Variants in FIG4 observed in about 807,000 individuals in gnomAD.
The protein encoded by FIG4 is polyphosphoinositide phosphatase.
Under a neutral mutation model 118.6 loss-of-function variants are expected in FIG4, and 112 were observed. The observed-to-expected ratio is 0.94, with a 90% CI of 0.81 to 1.11. FIG4 has a LOEUF of 1.11. Ranked by LOEUF, FIG4 falls within the 50% of genes least tolerant of loss-of-function variation. The pLI is 0.00. For missense variants in FIG4, 969 were observed against 1,111.7 expected (o/e 0.87, Z 1.83); for synonymous variants, 369 against 381.2 (o/e 0.97, Z 0.37).
At position 109,825,138 on chromosome 6, in the gene FIG4, C is replaced by A. The variant is rs1422871028; in HGVS notation, c.2597C>A (p.Pro866Gln). The A allele has an allele frequency of 2.5e-6, 4 of 1,613,916 alleles. No homozygotes were observed. The Admixed American group carries it at 6.7e-5, about 27-fold the overall frequency. The change falls in exon 23 of 23, where the codon CCA becomes CAA. Residue 866 changes from proline (P) to glutamine (Q), a missense_variant. By Grantham distance (76) the Pro-to-Gln change is moderately conservative. Coordinates refer to ENST00000230124, the MANE Select transcript of FIG4 (RefSeq NM_014845.6). ...GATAACATCTATGAAGTTCAGCCCC[C>A]AAGAGTAGACAGAAAATCTACAGAG... The part of the protein sequence containing the change: ...SQDNIYEVQP[P>Q]RVDRKSTEIF...
intron 22 of FIG4, among the ~76,000 whole-genome samples, chr6:109,797,876 A>G (rs2128398606): frequency 6.8e-6 from 1 of 147,544 alleles, no homozygotes; most frequent in Non-Finnish European, 1.5e-5. Flanking sequence ...AGCTTGGGTG[A>G]CAGAGTGAGA....
chr6:109,809,384 C>A (rs1449384125), intron 22 of FIG4, among the ~76,000 whole-genome samples: 1 of 152,068 alleles, frequency 6.6e-6, no homozygotes, highest in African/African-American at 2.4e-5. Flanking sequence ...GTTGTTTATG[C>A]TATCATGTGT....
At chr6:109,766,695 G>A (rs773932308) in intron 14 of FIG4, 34 bp from the exon 15 acceptor site, 34 of 1,595,152 alleles carry the variant, frequency 2.1e-5, no homozygotes, top group Non-Finnish European at 2.8e-5. Context: ...TTTGATTTTG[G>A]TGAAATTCTT....
intron 22 of FIG4, among the ~76,000 whole-genome samples, chr6:109,819,076 G>A (rs1440758043): frequency 6.6e-6 from 1 of 152,142 alleles, no homozygotes; most frequent in African/African-American, 2.4e-5. Flanking sequence ...CCCATTCAAA[G>A]TCCAGGATCT....
chr6:109,774,416 A>G (rs1299483724), intron 15 of FIG4, among the ~76,000 whole-genome samples: 1 of 152,186 alleles, frequency 6.6e-6, no homozygotes, highest in Non-Finnish European at 1.5e-5. Flanking sequence ...CTAAACAAAC[A>G]TCTTTGAACA....
At chr6:109,797,282 C>T (rs550149299) in intron 22 of FIG4, among the ~76,000 whole-genome samples, 32 of 152,244 alleles carry the variant, frequency 2.1e-4, no homozygotes, top group South Asian at 6.2e-4. Flanking sequence ...CTTAAATAAA[C>T]GGAACTATGT....
At chr6:109,735,404 GT>G in intron 6 of FIG4, 106 bp downstream of exon 6, 1 of 1,114,900 alleles carries the variant, frequency 9.0e-7, no homozygotes. Context: ...CCTCTTTGCT[GT>G]TTGTCCTTAC....
At chr6:109,743,508 A>C in intron 9 of FIG4, 167 bp from the exon 10 acceptor site, 1 of 680,158 alleles carries the variant, frequency 1.5e-6, no homozygotes, top group East Asian at 2.7e-5. Context: ...CAAATGTAAT[A>C]AATACATGAT....
At chr6:109,801,291 T>C (rs1226369533) in intron 22 of FIG4, among the ~76,000 whole-genome samples, 1 of 152,182 alleles carries the variant, frequency 6.6e-6, no homozygotes, top group Non-Finnish European at 1.5e-5. Context: ...CTCACACCTG[T>C]AATCCCAGCA....
At chr6:109,796,697 G>A (rs1442011538) in intron 21 of FIG4, 68 bp from the exon 22 acceptor site, 6 of 901,892 alleles carry the variant, frequency 6.7e-6, no homozygotes, top group African/African-American at 6.5e-5. Flanking sequence ...ACACCATTTT[G>A]TGTGATCTAC....
At chr6:109,729,516 A>G (rs1021406879) in intron 4 of FIG4, among the ~76,000 whole-genome samples, 2 of 152,252 alleles carry the variant, frequency 1.3e-5, no homozygotes, top group African/African-American at 4.8e-5. Flanking sequence ...TAAAGCTTGA[A>G]AAGAAAAATT....
chr6:109,754,950 G>C (rs1776836806), intron 10 of FIG4, among the ~76,000 whole-genome samples: 1 of 151,920 alleles, frequency 6.6e-6, no homozygotes, highest in Non-Finnish European at 1.5e-5. Flanking sequence ...GTTCTGCTCT[G>C]ATTTTAGTTA....
intron 22 of FIG4, among the ~76,000 whole-genome samples, chr6:109,806,627 T>G (rs1562694543): frequency 6.6e-6 from 1 of 152,050 alleles, no homozygotes; most frequent in Admixed American, 6.6e-5. Flanking sequence ...GGTTACTTTT[T>G]TTTTTTTTAA....
At chr6:109,743,049 A>AGTTATTTC in intron 8 of FIG4, 61 bp from the exon 9 acceptor site, 3 of 1,305,796 alleles carry the variant, frequency 2.3e-6, no homozygotes, top group African/African-American at 1.5e-5. Flanking sequence ...CTTCATTGAA[A>AGTTATTTC]GTTATTTCAT....
At chr6:109,710,304 C>T (rs889114940) in intron 1 of FIG4, among the ~76,000 whole-genome samples, 2 of 152,160 alleles carry the variant, frequency 1.3e-5, no homozygotes, top group Non-Finnish European at 2.9e-5. Flanking sequence ...AGGGATAAAG[C>T]CTACTTGATC....
intron 22 of FIG4, among the ~76,000 whole-genome samples, chr6:109,824,346 T>A (rs763172894): frequency 1.3e-4 from 20 of 152,236 alleles, no homozygotes; most frequent in Non-Finnish European, 2.2e-4. Flanking sequence ...CACCTTCTAA[T>A]ACATCCCCAG....
At chr6:109,779,223 G>T (rs551142598) in intron 16 of FIG4, among the ~76,000 whole-genome samples, 1 of 152,092 alleles carries the variant, frequency 6.6e-6, no homozygotes, top group Non-Finnish European at 1.5e-5. Context: ...CTGAAATTTT[G>T]TATTACTTTA....
At chr6:109,773,613 G>A (rs1055379628) in intron 15 of FIG4, among the ~76,000 whole-genome samples, 5 of 152,080 alleles carry the variant, frequency 3.3e-5, no homozygotes, top group South Asian at 2.1e-4. Flanking sequence ...CTTCTGACAC[G>A]CTAGTCCACA....
intron 22 of FIG4, among the ~76,000 whole-genome samples, chr6:109,817,887 T>A (rs1778904265): frequency 6.6e-6 from 1 of 152,220 alleles, no homozygotes; most frequent in Admixed American, 6.5e-5. Context: ...GAAAGCATAA[T>A]CTGCTCTAGG....
Sources: allele counts gnomAD v4.1 joint callset (sites outside exome capture counted in the v4.1 genomes callset), GRCh38; gene constraint gnomAD v4.1.1; transcripts MANE v1.5; gene names NCBI Gene and HGNC (gene_info 2026-07-23, HGNC 2026-07-21).